Variants in KCNIP4 observed in about 807,000 individuals in gnomAD.
The protein encoded by KCNIP4 is potassium voltage-gated channel interacting protein 4, also known as Kv channel-interacting protein 4.
In KCNIP4, 12 loss-of-function variants were observed where a neutral mutation model predicts 34.0. That is an observed-to-expected ratio of 0.35 (90% CI 0.23 to 0.57). The LOEUF is 0.57. KCNIP4 is among the 20% of genes least tolerant of loss of function. The probability of loss-of-function intolerance (pLI) is 0.83; values close to 1 mark genes in which losing one functional copy is unlikely to be tolerated. For synonymous variants in KCNIP4, 124 were observed against 102.2 expected (o/e 1.21, Z -1.29); for missense variants, 238 against 311.7 (o/e 0.76, Z 1.78).
At chr4:21,898,456 C>T (rs1279524220) in intron 1 of KCNIP4, among the ~76,000 whole-genome samples, 6 of 152,080 alleles carry the variant, frequency 3.9e-5, no homozygotes, top group African/African-American at 1.4e-4. Flanking sequence ...TCAGCCACAG[C>T]AGGACAGGGC....
At chr4:21,204,147 C>A (rs909120570) in intron 1 of KCNIP4, among the ~76,000 whole-genome samples, 2 of 150,362 alleles carry the variant, frequency 1.3e-5, no homozygotes, top group Admixed American at 6.6e-5. Flanking sequence ...TTTGAATATA[C>A]TTCTATTTTG....
chr4:20,980,068 C>T lies in KCNIP4; in HGVS notation c.62-97359G>A, dbSNP rs185206262. Among the ~76,000 whole-genome samples, 151 of 152,302 alleles carry T rather than the reference C, an allele frequency of 9.9e-4. 1 individual carries two copies. Among genetic ancestry groups the T allele is most frequent in the Non-Finnish European group, 1.6e-3 (109 of 68,034 alleles). ...AGGTCCTGTACGACTAGTTTTTCTT[C>T]TCCATTAAACCTTCTCTGGAGTCCT... On this transcript the variant is annotated intron_variant, in intron 1 of 8. Coordinates refer to ENST00000382152, the MANE Select transcript of KCNIP4 (RefSeq NM_025221.6).
intron 1 of KCNIP4, among the ~76,000 whole-genome samples, chr4:21,630,732 T>C (rs1260016773): frequency 6.6e-6 from 1 of 152,138 alleles, no homozygotes; most frequent in Non-Finnish European, 1.5e-5. Flanking sequence ...CTGTTTAAAA[T>C]CCTTCAATGA....
chr4:21,139,951 T>G (rs1213649589), intron 1 of KCNIP4, among the ~76,000 whole-genome samples: 1 of 152,152 alleles, frequency 6.6e-6, no homozygotes, highest in Non-Finnish European at 1.5e-5. Flanking sequence ...ACATTCTTTC[T>G]AACATACTGA....
At chr4:21,560,763 T>A (rs1423279051) in intron 1 of KCNIP4, among the ~76,000 whole-genome samples, 2 of 151,998 alleles carry the variant, frequency 1.3e-5, no homozygotes, top group Non-Finnish European at 2.9e-5. Flanking sequence ...TTTGGAGAGG[T>A]TAATAAAGTT....
In KCNIP4 at chr4:21,308,697, G is replaced by A. The variant is rs1024710976; in HGVS notation, c.62-425988C>T. ...AATGTTAGATACAAGAAAGTTCTGT[G>A]CCCCTGCCGTGTGAGTGTGTGTGTG... On this transcript the variant is annotated intron_variant, in intron 1 of 8. Transcript: ENST00000382152. Among the ~76,000 whole-genome samples, 4 of 138,710 alleles carry A rather than the reference G, an allele frequency of 2.9e-5. No homozygotes were observed. In the Middle Eastern group the frequency reaches 0.015, roughly 510 times the overall value. 91.0% of individuals were successfully genotyped at this position (138,710 alleles called of 152,430 possible). A position where few individuals can be genotyped will look rare whatever the true frequency, so the allele number is the denominator to read the frequency against.
chr4:21,293,621 G>T (rs537856836), intron 1 of KCNIP4, among the ~76,000 whole-genome samples: 1 of 152,168 alleles, frequency 6.6e-6, no homozygotes. Context: ...TATAGGATTG[G>T]ATCTTGCTTT....
At chr4:20,890,100 CTGTT>C (rs1725771132) in intron 1 of KCNIP4, among the ~76,000 whole-genome samples, 2 of 152,064 alleles carry the variant, frequency 1.3e-5, no homozygotes, top group Admixed American at 6.6e-5. Context: ...GGGGAGGATT[CTGTT>C]TGTTTATGAA....
intron 1 of KCNIP4, among the ~76,000 whole-genome samples, chr4:21,578,106 T>C (rs766203218): frequency 2.0e-5 from 3 of 151,724 alleles, no homozygotes; most frequent in African/African-American, 7.3e-5. Flanking sequence ...GAGAACGAGG[T>C]GGGTGGATCA....
intron 3 of KCNIP4, among the ~76,000 whole-genome samples, chr4:20,759,995 C>G (rs1336810073): frequency 6.6e-6 from 1 of 152,170 alleles, no homozygotes; most frequent in African/African-American, 2.4e-5. Flanking sequence ...TCCTTCCTAT[C>G]CTGTATCTTT....
chr4:21,337,785 C>T (rs1716323804), intron 1 of KCNIP4, among the ~76,000 whole-genome samples: 1 of 152,106 alleles, frequency 6.6e-6, no homozygotes, highest in Admixed American at 6.5e-5. Flanking sequence ...AAATACCTGG[C>T]TTCAAATCTG....
chr4:20,761,073 T>A (rs1002174742), intron 3 of KCNIP4, among the ~76,000 whole-genome samples: 5 of 152,182 alleles, frequency 3.3e-5, no homozygotes, highest in Non-Finnish European at 5.9e-5. Flanking sequence ...GGGGGCCTCA[T>A]TGAATCAGTT....
intron 1 of KCNIP4, among the ~76,000 whole-genome samples, chr4:21,600,576 T>A (rs1399261064): frequency 6.6e-6 from 1 of 151,956 alleles, no homozygotes; most frequent in Non-Finnish European, 1.5e-5. Flanking sequence ...TGAATACCAG[T>A]TATCATTTCT....
At chr4:21,618,560 G>GTCTCTCTC (rs34578063) in intron 1 of KCNIP4, among the ~76,000 whole-genome samples, 1 of 141,196 alleles carries the variant, frequency 7.1e-6, no homozygotes, top group Admixed American at 7.1e-5. Flanking sequence ...TCTTTTTCTG[G>GTCTCTCTC]TCTCTCTCTC....
chr4:21,055,375 C>A (rs1271599068), intron 1 of KCNIP4, among the ~76,000 whole-genome samples: 1 of 152,088 alleles, frequency 6.6e-6, no homozygotes, highest in Non-Finnish European at 1.5e-5. Flanking sequence ...TCTATAAAAA[C>A]TAAACATAAT....
intron 1 of KCNIP4, among the ~76,000 whole-genome samples, chr4:21,424,118 C>T (rs369464872): frequency 2.8e-4 from 43 of 151,572 alleles, no homozygotes; most frequent in African/African-American, 9.4e-4. Flanking sequence ...CATGCCAGGC[C>T]GAGAATTTTT....
chr4:21,019,634 G>T (rs922476928), intron 1 of KCNIP4, among the ~76,000 whole-genome samples: 13 of 152,054 alleles, frequency 8.5e-5, no homozygotes, highest in Non-Finnish European at 1.3e-4. Flanking sequence ...GCCTTAGTCT[G>T]TAAAATAGGG....
chr4:21,784,454 A>G (rs1463481264), intron 1 of KCNIP4, among the ~76,000 whole-genome samples: 1 of 152,126 alleles, frequency 6.6e-6, no homozygotes, highest in Non-Finnish European at 1.5e-5. Flanking sequence ...AAAAAATCAC[A>G]TTTTAAAGAA....
At chr4:21,794,898 G>A (rs905484757) in intron 1 of KCNIP4, among the ~76,000 whole-genome samples, 7 of 151,826 alleles carry the variant, frequency 4.6e-5, no homozygotes, top group Admixed American at 1.3e-4. Flanking sequence ...ACCAAAAAAC[G>A]AACAAACAAA....
Sources: gnomAD v4.1 joint callset for allele counts (sites outside exome capture counted in the v4.1 genomes callset) on GRCh38, gnomAD v4.1.1 for gene constraint, MANE v1.5 for transcripts, NCBI Gene and HGNC (gene_info 2026-07-23, HGNC 2026-07-21) for gene names.